The following SAMD13 variants were observed in gnomAD, a reference collection of about 807,000 sequenced individuals.
SAMD13 encodes the protein sterile alpha motif domain containing 13.
In SAMD13, 9 loss-of-function variants were observed where a neutral mutation model predicts 12.4. That is an observed-to-expected ratio of 0.72 (90% CI 0.44 to 1.26). The LOEUF is 1.26. Among genes scored for constraint, SAMD13 ranks in the 50% most tolerant of loss-of-function variants. The pLI is 0.00. For synonymous variants in SAMD13, 46 were observed against 45.4 expected (o/e 1.01, Z -0.05); for missense variants, 84 against 119.6 (o/e 0.70, Z 1.39).
intron 3 of SAMD13, among the ~76,000 whole-genome samples, chr1:84,328,201 G>T (rs1210723427): frequency 6.6e-6 from 1 of 152,304 alleles, no homozygotes; most frequent in East Asian, 1.9e-4. Flanking sequence ...GGGACTGCCA[G>T]CTCTGAGCCT....
At chr1:84,337,683 T>C (rs970094046) in intron 3 of SAMD13, among the ~76,000 whole-genome samples, 5 of 152,224 alleles carry the variant, frequency 3.3e-5, no homozygotes, top group Non-Finnish European at 5.9e-5. Flanking sequence ...GATTAACATT[T>C]GGCTGTTCAT....
intron 3 of SAMD13, among the ~76,000 whole-genome samples, chr1:84,333,627 C>A (rs1336737806): frequency 6.6e-6 from 1 of 152,064 alleles, no homozygotes; most frequent in Admixed American, 6.6e-5. Flanking sequence ...TGGTCAGAGA[C>A]TATGGGGTTT....
At chr1:84,335,504 C>T (rs1679273366) in intron 3 of SAMD13, among the ~76,000 whole-genome samples, 1 of 152,092 alleles carries the variant, frequency 6.6e-6, no homozygotes, top group Admixed American at 6.6e-5. Context: ...TCCAACTTGC[C>T]ACTCTGTGAC....
At chr1:84,303,818 C>T (rs911158163) in intron 2 of SAMD13, 14 of 152,420 alleles carry the variant, frequency 9.2e-5, no homozygotes, top group African/African-American at 3.4e-4. Flanking sequence ...TCTGTTCTCA[C>T]ATTTGAAACT....
chr1:84,301,219 T>G (rs563223207), upstream of SAMD13, among the ~76,000 whole-genome samples: 18 of 152,224 alleles, frequency 1.2e-4, no homozygotes, highest in African/African-American at 3.4e-4. Context: ...AAGAGATTAC[T>G]TAAAAGCCAG....
chr1:84,337,824 TAAC>T (rs2101815437), intron 3 of SAMD13, among the ~76,000 whole-genome samples: 1 of 152,346 alleles, frequency 6.6e-6, no homozygotes, highest in African/African-American at 2.4e-5. Flanking sequence ...TGAATGCCTT[TAAC>T]AACACCCAAA....
intron 2 of SAMD13, among the ~76,000 whole-genome samples, chr1:84,309,440 AG>A (rs1678659973): frequency 6.6e-6 from 1 of 152,202 alleles, no homozygotes; most frequent in Non-Finnish European, 1.5e-5. Context: ...TGCTACCTTG[AG>A]AATTTTAAAC....
intron 2 of SAMD13, among the ~76,000 whole-genome samples, chr1:84,306,056 AT>A (rs1417720947): frequency 1.3e-5 from 2 of 152,172 alleles, no homozygotes; most frequent in African/African-American, 4.8e-5. Flanking sequence ...TGAATTATAT[AT>A]CAATTTGAAG....
chr1:84,332,032 C>A (rs190243704), intron 3 of SAMD13, among the ~76,000 whole-genome samples: 2 of 152,256 alleles, frequency 1.3e-5, no homozygotes, highest in Non-Finnish European at 2.9e-5. Flanking sequence ...TGACCTCCAG[C>A]TCCATCCATG....
chr1:84,318,084 C>T (rs1015049933), intron 2 of SAMD13, among the ~76,000 whole-genome samples: 1 of 151,992 alleles, frequency 6.6e-6, no homozygotes, highest in African/African-American at 2.4e-5. Flanking sequence ...TTCTCTTAGC[C>T]TAGCTAAAGG....
rs1162133608 is a variant in SAMD13 at position 84,341,986 on chromosome 1, CAA to C, written c.166-7643_166-7642del. 2.6e-5 allele frequency among the ~76,000 whole-genome samples: 4 copies of C among 152,144 alleles called. No individual in the cohort carries two copies. The East Asian group carries it at 7.7e-4, about 29-fold the overall frequency. On this transcript the variant is annotated intron_variant, in intron 3 of 3. Transcript: ENST00000394834. ...GGGGATTTTCTGCTTCACTGTCATT[CAA>C]AGACCCAGGTGAAGGAGGCCTTGTT...
At chr1:84,315,006 CCTT>C (rs904638794) in intron 2 of SAMD13, among the ~76,000 whole-genome samples, 3 of 140,958 alleles carry the variant, frequency 2.1e-5, no homozygotes, top group African/African-American at 7.7e-5. Context: ...CTCTTTCTCT[CCTT>C]CTCTCTTTCT....
At chr1:84,301,172 G>T (rs923476831), upstream of SAMD13, among the ~76,000 whole-genome samples, 1 of 152,172 alleles carries the variant, frequency 6.6e-6, no homozygotes, top group Non-Finnish European at 1.5e-5. Context: ...TGAAGTAAAA[G>T]GATTTGCTGC....
chr1:84,338,788 C>T (rs1679357559), intron 3 of SAMD13, among the ~76,000 whole-genome samples: 1 of 152,084 alleles, frequency 6.6e-6, no homozygotes, highest in African/African-American at 2.4e-5. Context: ...TATTCACTAT[C>T]CTGAGAACAG....
intron 3 of SAMD13, among the ~76,000 whole-genome samples, chr1:84,349,402 G>T (rs1171210020): frequency 3.3e-5 from 5 of 152,188 alleles, no homozygotes; most frequent in Non-Finnish European, 7.3e-5. Flanking sequence ...TTTGTGATAG[G>T]ATCTTGAAAG....
Position 84,309,713 on chromosome 1 carries a change from A to G in SAMD13, c.53+6426A>G, listed in dbSNP as rs72942047. Among the ~76,000 whole-genome samples the G allele has an allele frequency of 5.8e-3, 878 of 152,326 alleles. 5 individuals carry two copies. The highest frequency in any genetic ancestry group is 0.019 in the African/African-American group (810 of 41,572). On this transcript the variant is annotated intron_variant, in intron 2 of 3. Coordinates refer to ENST00000394834, the MANE Select transcript of SAMD13 (RefSeq NM_001134663.2). ...TCAATAGTAATAACCAATAAATAAGAAAAGCACAAACAGAAAAATACCAGA... is the reference window on the plus strand; with the variant it reads ...TCAATAGTAATAACCAATAAATAAGGAAAGCACAAACAGAAAAATACCAGA...
intron 3 of SAMD13, among the ~76,000 whole-genome samples, chr1:84,336,509 T>C (rs1177231662): frequency 6.6e-6 from 1 of 152,098 alleles, no homozygotes; most frequent in Non-Finnish European, 1.5e-5. Context: ...ACTCCTCTTT[T>C]TAAAACCATC....
Position 84,349,932 on chromosome 1 carries a change from G to C in SAMD13, c.*158G>C. 7.5e-7 allele frequency: 1 copy of C among 1,339,434 alleles called. No homozygotes were observed. 83.0% of individuals were successfully genotyped at this position (1,339,434 alleles called of 1,614,324 possible). On this transcript the variant is annotated 3_prime_UTR_variant, in exon 4 of 4. Coordinates refer to ENST00000394834, the MANE Select transcript of SAMD13 (RefSeq NM_001134663.2). ...ATTGGATAGACTAGGCAATTCATCAGCTCACCTGAAATCAGCCAGGAGGAG... is the reference window on the plus strand; with the variant it reads ...ATTGGATAGACTAGGCAATTCATCACCTCACCTGAAATCAGCCAGGAGGAG...
chr1:84,323,205 A>G (rs1014562852), intron 2 of SAMD13, among the ~76,000 whole-genome samples: 3 of 152,170 alleles, frequency 2.0e-5, no homozygotes, highest in African/African-American at 7.2e-5. Flanking sequence ...ACCTTAAGAG[A>G]GAGGGAAGGA....
Sources: gnomAD v4.1 joint callset for allele counts (sites outside exome capture counted in the v4.1 genomes callset) on GRCh38, gnomAD v4.1.1 for gene constraint, MANE v1.5 for transcripts, NCBI Gene and HGNC (gene_info 2026-07-23, HGNC 2026-07-21) for gene names.